The following ARHGAP15 variants were observed in gnomAD, a reference collection of about 807,000 sequenced individuals.
ARHGAP15 encodes rho GTPase-activating protein 15.
In ARHGAP15, 51 loss-of-function variants were observed where a neutral mutation model predicts 63.7. The ratio of observed to expected loss-of-function variants is 0.80; its 90% confidence interval spans 0.64 to 1.01. The LOEUF (loss-of-function observed/expected upper bound fraction) is 1.01. Among genes scored for constraint, ARHGAP15 ranks in the 50% least tolerant of loss-of-function variants. The pLI, the probability that ARHGAP15 is intolerant of heterozygous loss-of-function variation, is 0.00. For synonymous variants in ARHGAP15, 191 were observed against 193.8 expected (o/e 0.99, Z 0.12); for missense variants, 560 against 564.6 (o/e 0.99, Z 0.08).
chr2:143,354,189 A>AG (rs1325220079), intron 6 of ARHGAP15, among the ~76,000 whole-genome samples: 3 of 152,138 alleles, frequency 2.0e-5, no homozygotes, highest in Non-Finnish European at 4.4e-5. Context: ...GTAAGCTCTG[A>AG]GGTTCAGTAT....
At chr2:143,358,034 C>T (rs1212602433) in intron 6 of ARHGAP15, among the ~76,000 whole-genome samples, 1 of 152,136 alleles carries the variant, frequency 6.6e-6, no homozygotes, top group East Asian at 1.9e-4. Context: ...TACATATGGA[C>T]TACTTAGACC....
chr2:143,529,292 T>G (rs1694421412), intron 10 of ARHGAP15, among the ~76,000 whole-genome samples: 1 of 152,142 alleles, frequency 6.6e-6, no homozygotes, highest in Non-Finnish European at 1.5e-5. Context: ...CCAAGCCTCA[T>G]GAGCTCTACT....
At chr2:143,350,447 G>C (rs1685505661) in intron 6 of ARHGAP15, among the ~76,000 whole-genome samples, 2 of 152,006 alleles carry the variant, frequency 1.3e-5, no homozygotes, top group African/African-American at 4.8e-5. Flanking sequence ...TCATATCAAA[G>C]AAAAGTTGGA....
intron 6 of ARHGAP15, among the ~76,000 whole-genome samples, chr2:143,432,220 A>C (rs2105080765): frequency 6.6e-6 from 1 of 152,170 alleles, no homozygotes; most frequent in Non-Finnish European, 1.5e-5. Context: ...TTTATATTCT[A>C]GTAAACAAAA....
chr2:143,210,978 C>A (rs528311177), intron 3 of ARHGAP15, among the ~76,000 whole-genome samples: 5 of 152,260 alleles, frequency 3.3e-5, no homozygotes, highest in Admixed American at 1.3e-4. Flanking sequence ...CATAATATTT[C>A]ATTCTTGAGC....
chr2:143,420,360 C>T (rs1054672774), intron 6 of ARHGAP15, among the ~76,000 whole-genome samples: 1 of 152,116 alleles, frequency 6.6e-6, no homozygotes, highest in African/African-American at 2.4e-5. Flanking sequence ...GAATTGTAGT[C>T]TTGAAGGCAG....
chr2:143,358,778 T>A (rs1253989119), intron 6 of ARHGAP15, among the ~76,000 whole-genome samples: 3 of 151,906 alleles, frequency 2.0e-5, no homozygotes, highest in African/African-American at 7.2e-5. Context: ...TACTTATGTA[T>A]GTATATGTAT....
chr2:143,218,417 C>G (rs1692854990), intron 4 of ARHGAP15, among the ~76,000 whole-genome samples: 1 of 150,066 alleles, frequency 6.7e-6, no homozygotes, highest in Non-Finnish European at 1.5e-5. Context: ...ATTTTATTAT[C>G]AGTCTCCAAT....
At chr2:143,478,674 T>C (rs75468987) in intron 8 of ARHGAP15, among the ~76,000 whole-genome samples, 253 of 151,996 alleles carry the variant, frequency 1.7e-3, no homozygotes, top group Non-Finnish European at 2.8e-3. Context: ...TTCCTTATTA[T>C]ATAGCAAATA....
chr2:143,740,089 A>G (rs1314896512), intron 13 of ARHGAP15, among the ~76,000 whole-genome samples: 1 of 152,092 alleles, frequency 6.6e-6, no homozygotes, highest in Non-Finnish European at 1.5e-5. Context: ...CACAACCAAA[A>G]TGGTCCATCA....
chr2:143,416,392 C>T (rs903409987), intron 6 of ARHGAP15, among the ~76,000 whole-genome samples: 3 of 152,020 alleles, frequency 2.0e-5, no homozygotes, highest in African/African-American at 4.8e-5. Context: ...TCCTGGGGAC[C>T]CTGCAAGCCA....
intron 11 of ARHGAP15, among the ~76,000 whole-genome samples, chr2:143,615,687 A>G (rs2105226160): frequency 6.6e-6 from 1 of 152,288 alleles, no homozygotes; most frequent in South Asian, 2.1e-4. Flanking sequence ...CCTGTGCTTC[A>G]TATTTGCAAA....
At chr2:143,367,723 A>G (rs1344916568) in intron 6 of ARHGAP15, among the ~76,000 whole-genome samples, 1 of 151,832 alleles carries the variant, frequency 6.6e-6, no homozygotes, top group Non-Finnish European at 1.5e-5. Flanking sequence ...CATATCTGTA[A>G]TTCATGCTTC....
At chr2:143,338,619 C>T (rs891333847) in intron 6 of ARHGAP15, among the ~76,000 whole-genome samples, 4 of 152,136 alleles carry the variant, frequency 2.6e-5, no homozygotes, top group Admixed American at 2.0e-4. Flanking sequence ...AGTAGAGAGA[C>T]TGTCAGAATA....
intron 2 of ARHGAP15, among the ~76,000 whole-genome samples, chr2:143,160,366 A>T (rs1474229399): frequency 2.0e-5 from 3 of 151,922 alleles, no homozygotes; most frequent in Non-Finnish European, 4.4e-5. Flanking sequence ...TGTGGATGAC[A>T]TTTGTAAGCC....
At chr2:143,159,782 TG>T (rs1366912623) in intron 2 of ARHGAP15, among the ~76,000 whole-genome samples, 1 of 151,976 alleles carries the variant, frequency 6.6e-6, no homozygotes, top group East Asian at 1.9e-4. Context: ...TATGATCTGT[TG>T]CATGTTAATT....
intron 1 of ARHGAP15, among the ~76,000 whole-genome samples, chr2:143,138,009 C>T (rs960095893): frequency 6.6e-6 from 1 of 152,048 alleles, no homozygotes; most frequent in African/African-American, 2.4e-5. Context: ...ATGGTGATTA[C>T]CTCAGTGGTG....
At position 143,235,803 on chromosome 2, in the gene ARHGAP15, T is replaced by C. The variant is rs948245321; in HGVS notation, c.384+7135T>C. 16 of 911,016 alleles carry C rather than the reference T, an allele frequency of 1.8e-5. No individual in the cohort carries two copies. The African/African-American group carries it at 2.6e-4, about 15-fold the overall frequency. 56.4% of individuals were successfully genotyped at this position (911,016 alleles called of 1,614,324 possible). A position where few individuals can be genotyped will look rare whatever the true frequency, so the allele number is the denominator to read the frequency against. ...AGAGAATCAGGAGTTGTCTGTTTGA[T>C]TTATCTTCTCAGGCCTTGACTCACA... On this transcript the variant is annotated intron_variant, in intron 5 of 13. Transcript: ENST00000295095.
At chr2:143,184,074 G>A (rs1558799817) in intron 2 of ARHGAP15, among the ~76,000 whole-genome samples, 2 of 152,200 alleles carry the variant, frequency 1.3e-5, no homozygotes, top group African/African-American at 4.8e-5. Flanking sequence ...CACAGCCGCT[G>A]ATGCAGCTTG....
Sources: gnomAD v4.1 joint callset for allele counts (sites outside exome capture counted in the v4.1 genomes callset) on GRCh38, gnomAD v4.1.1 for gene constraint, MANE v1.5 for transcripts, NCBI Gene and HGNC (gene_info 2026-07-23, HGNC 2026-07-21) for gene names.